The following CFAP47 variants were observed in gnomAD, a reference collection of about 807,000 sequenced individuals.
CFAP47 encodes the protein cilia and flagella associated protein 47, also known as cilia- and flagella-associated protein 47.
Under a neutral mutation model 148.1 loss-of-function variants are expected in CFAP47, and 29 were observed. The observed-to-expected ratio is 0.20, with a 90% CI of 0.15 to 0.27. The LOEUF (loss-of-function observed/expected upper bound fraction) is 0.27. Among genes scored for constraint, CFAP47 ranks in the 10% least tolerant of loss-of-function variants. The pLI is 1.00. For synonymous variants in CFAP47, 664 were observed against 577.3 expected (o/e 1.15, Z -2.15); for missense variants, 1,872 against 1,697.5 (o/e 1.10, Z -1.81).
chrX:36,333,709 C>T lies in CFAP47; in HGVS notation c.8443+14402C>T, dbSNP rs782488638. ...GATTCTGTACTCTCATTCCCAATAA[C>T]TTCAATCCCTCCATAATCTCCATTT... On this transcript the variant is annotated intron_variant, in intron 57 of 63. Coordinates refer to ENST00000378653, the MANE Select transcript of CFAP47 (RefSeq NM_001304548.2). Among the ~76,000 whole-genome samples, 24 of 110,895 alleles carry T rather than the reference C, an allele frequency of 2.2e-4. No individual in the cohort carries two copies. In the South Asian group the frequency reaches 2.7e-3, roughly 12 times the overall value.
intron 39 of CFAP47, among the ~76,000 whole-genome samples, chrX:36,165,532 G>A (rs1939479354): frequency 9.0e-6 from 1 of 110,538 alleles, no homozygotes; most frequent in Admixed American, 9.7e-5. Context: ...TTTCCTGGTG[G>A]TATTGTCATA....
At chrX:36,265,754 T>C (rs1306587110) in intron 49 of CFAP47, among the ~76,000 whole-genome samples, 1 of 111,091 alleles carries the variant, frequency 9.0e-6, no homozygotes, top group Non-Finnish European at 1.9e-5. Context: ...GATAGTGTGA[T>C]TTTTTTGGGG....
At chrX:36,267,731 G>C (rs1481064016) in intron 49 of CFAP47, among the ~76,000 whole-genome samples, 1 of 111,705 alleles carries the variant, frequency 9.0e-6, no homozygotes, top group Non-Finnish European at 1.9e-5. Flanking sequence ...ACCCGCCTTG[G>C]CCTCCCAAAG....
intron 2 of CFAP47, among the ~76,000 whole-genome samples, chrX:35,936,270 A>G (rs765245663): frequency 9.0e-6 from 1 of 110,691 alleles, no homozygotes. Flanking sequence ...CACTCATTTT[A>G]TCTTCTGTTA....
At chrX:36,173,224 A>G (rs1208078155) in intron 39 of CFAP47, among the ~76,000 whole-genome samples, 1 of 110,705 alleles carries the variant, frequency 9.0e-6, no homozygotes, top group African/African-American at 3.3e-5. Flanking sequence ...CAGTCTATCA[A>G]TTTTGTTGAT....
chrX:35,967,864 G>C (rs1267501481), intron 10 of CFAP47, 32 bp downstream of exon 10: 1 of 1,055,212 alleles, frequency 9.5e-7, no homozygotes, highest in African/African-American at 1.9e-5. Flanking sequence ...CTGAAATTTG[G>C]AAAAGCTTAA....
chrX:36,063,522 A>G (rs1235541040), intron 26 of CFAP47, among the ~76,000 whole-genome samples: 1 of 112,062 alleles, frequency 8.9e-6, no homozygotes, highest in African/African-American at 3.2e-5. Context: ...ATCTGAAATC[A>G]AATGTTATCT....
chrX:36,265,246 T>G (rs1940876874), intron 49 of CFAP47, among the ~76,000 whole-genome samples: 1 of 112,077 alleles, frequency 8.9e-6, no homozygotes, highest in Admixed American at 9.5e-5. Context: ...GATTTTTTTG[T>G]GGGTTGATTT....
chrX:35,991,860 CTCTT>C lies in CFAP47; in HGVS notation c.2886_2889del (p.Phe963ValfsTer7), dbSNP rs1452601135. The C allele has an allele frequency of 3.4e-6, 1 of 294,585 alleles. No homozygotes were observed. Among genetic ancestry groups the C allele is most frequent in the Non-Finnish European group, 5.9e-6 (1 of 169,117 alleles). 24.3% of individuals were successfully genotyped at this position (294,585 alleles called of 1,213,427 possible). ...GGTTTTACTTTTGCAGCCAAGGATA[CTCTT>C]TAGTAATTGCCCTCAAGGTTTAACA... On this transcript the variant is annotated frameshift_variant, in exon 17 of 64. Transcript: ENST00000378653. LOFTEE classifies it high-confidence loss of function.
chrX:36,131,294 G>A (rs900881772), intron 33 of CFAP47, among the ~76,000 whole-genome samples: 3 of 111,282 alleles, frequency 2.7e-5, no homozygotes, highest in African/African-American at 9.8e-5. Context: ...TGTGTTGCTA[G>A]AGGGATTGTA....
At chrX:36,083,742 A>C (rs145145863) in intron 29 of CFAP47, among the ~76,000 whole-genome samples, 6,192 of 111,420 alleles carry the variant, frequency 0.056, 200 homozygotes, top group Non-Finnish European at 0.089. Flanking sequence ...GGGGATTCTC[A>C]TAATTGAAAA....
At chrX:35,920,122 G>A (rs1935555256) in intron 1 of CFAP47, 74 bp downstream of exon 1, 10 of 1,074,012 alleles carry the variant, frequency 9.3e-6, no homozygotes, top group Non-Finnish European at 1.2e-5. Context: ...CTTTGCCCCA[G>A]GGAGTAGTCA....
intron 24 of CFAP47, among the ~76,000 whole-genome samples, chrX:36,038,347 A>C (rs1937362604): frequency 8.9e-6 from 1 of 111,950 alleles, no homozygotes; most frequent in African/African-American, 3.2e-5. Flanking sequence ...TTCGATGTGA[A>C]AGGGTATTGA....
At chrX:35,972,038 A>G in intron 13 of CFAP47, 73 bp downstream of exon 13, 1 of 672,576 alleles carries the variant, frequency 1.5e-6, no homozygotes, top group Non-Finnish European at 2.2e-6. Context: ...TGTAATTTAT[A>G]TTTCATAAAA....
chrX:36,212,889 G>A (rs1396925927), intron 45 of CFAP47, among the ~76,000 whole-genome samples: 2 of 110,880 alleles, frequency 1.8e-5, no homozygotes, highest in African/African-American at 3.3e-5. Context: ...AAGGTGGGTA[G>A]ATTGCTTGAG....
chrX:36,246,616 C>T (rs1452735352), intron 48 of CFAP47, among the ~76,000 whole-genome samples: 5 of 111,380 alleles, frequency 4.5e-5, no homozygotes, highest in African/African-American at 1.6e-4. Flanking sequence ...AAACCACCCT[C>T]GTGATCCAGT....
chrX:36,112,008 T>A (rs1455733664), intron 33 of CFAP47, among the ~76,000 whole-genome samples: 1 of 111,833 alleles, frequency 8.9e-6, no homozygotes, highest in Non-Finnish European at 1.9e-5. Flanking sequence ...TTCTTTATTA[T>A]TCTAGCTAAT....
chrX:36,283,841 A>G (rs1349146511), intron 50 of CFAP47, among the ~76,000 whole-genome samples: 2 of 111,873 alleles, frequency 1.8e-5, no homozygotes, highest in African/African-American at 6.5e-5. Flanking sequence ...AAAAATCACC[A>G]ACTAATGGTG....
At chrX:36,327,204 C>T (rs1306479318) in intron 57 of CFAP47, among the ~76,000 whole-genome samples, 1 of 111,761 alleles carries the variant, frequency 8.9e-6, no homozygotes, top group Non-Finnish European at 1.9e-5. Context: ...AGAAAATAGT[C>T]ACAAACTTTA....
Sources: allele counts gnomAD v4.1 joint callset (sites outside exome capture counted in the v4.1 genomes callset), GRCh38; gene constraint gnomAD v4.1.1; transcripts MANE v1.5; gene names NCBI Gene and HGNC (gene_info 2026-07-23, HGNC 2026-07-21).